Variants in COLGALT2 observed in about 807,000 individuals in gnomAD.
COLGALT2 encodes collagen beta(1-O)galactosyltransferase 2, also known as procollagen galactosyltransferase 2.
In COLGALT2, 49 loss-of-function variants were observed where a neutral mutation model predicts 73.4. The ratio of observed to expected loss-of-function variants is 0.67; its 90% CI spans 0.53 to 0.85. The LOEUF (loss-of-function observed/expected upper bound fraction) is 0.85. Ranked by LOEUF, COLGALT2 falls within the 40% of genes least tolerant of loss-of-function variation. The pLI, the probability that COLGALT2 is intolerant of heterozygous loss-of-function variation, is 0.00. For missense variants in COLGALT2, 722 were observed against 790.2 expected (o/e 0.91, Z 1.03); for synonymous variants, 295 against 307.6 (o/e 0.96, Z 0.43).
chr1:184,024,941 T>G (rs1039742660), intron 1 of COLGALT2, among the ~76,000 whole-genome samples: 4 of 152,234 alleles, frequency 2.6e-5, no homozygotes, highest in African/African-American at 9.6e-5. Flanking sequence ...CCAATGGGCT[T>G]GGAGGTTCCA....
At chr1:184,016,317 C>T (rs1648998361) in intron 1 of COLGALT2, among the ~76,000 whole-genome samples, 1 of 152,126 alleles carries the variant, frequency 6.6e-6, no homozygotes, top group Admixed American at 6.5e-5. Flanking sequence ...GGAATGTTTG[C>T]AAAGCATTTT....
Position 184,037,063 on chromosome 1 carries a change from G to A in COLGALT2, c.263+32C>T, listed in dbSNP as rs755798090. 8 of 1,452,988 alleles carry A rather than the reference G, an allele frequency of 5.5e-6. No individual in the cohort carries two copies. In the South Asian group the frequency reaches 7.1e-5, roughly 13 times the overall value. The allele number at this position is 1,452,988 out of a possible 1,614,324, so 90.0% of individuals were successfully genotyped here. On this transcript the variant is annotated intron_variant, in intron 1 of 11. Transcript: ENST00000361927. ...GCTGGGCAGGCCGCCCCCGCGTCCC[G>A]CCGCGGCGGCCCGGGGCCCGTGCGC...
At chr1:183,983,157 T>A (rs543412141) in intron 1 of COLGALT2, among the ~76,000 whole-genome samples, 2 of 152,366 alleles carry the variant, frequency 1.3e-5, no homozygotes, top group Non-Finnish European at 2.9e-5. Context: ...ATTCTGTTTG[T>A]TCTCAGGCTT....
At chr1:183,945,127 T>C (rs1670214111) in intron 9 of COLGALT2, among the ~76,000 whole-genome samples, 1 of 152,210 alleles carries the variant, frequency 6.6e-6, no homozygotes, top group South Asian at 2.1e-4. Flanking sequence ...AATCACTTAA[T>C]AAGTGATGTC....
At chr1:183,979,853 T>G (rs1373733518) in intron 1 of COLGALT2, among the ~76,000 whole-genome samples, 1 of 152,206 alleles carries the variant, frequency 6.6e-6, no homozygotes, top group East Asian at 1.9e-4. Flanking sequence ...ATGGAACATC[T>G]GCTAGCACTG....
At chr1:183,935,420 G>C (rs1669928405), downstream of COLGALT2, among the ~76,000 whole-genome samples, 1 of 152,188 alleles carries the variant, frequency 6.6e-6, no homozygotes, top group South Asian at 2.1e-4. Flanking sequence ...AAAAATTCAA[G>C]CAGTCACTGA....
rs531439663 is a variant in COLGALT2 at position 184,008,332 on chromosome 1, T to A, written c.263+28763A>T. On this transcript the variant is annotated intron_variant, in intron 1 of 11. Transcript: ENST00000361927. The stretch of plus-strand genomic sequence containing the variant: ...AGGAGACTAAAGAGACAGAATGACT[T>A]AATGCCATAAATGATTTTAGACTGG... Among the ~76,000 whole-genome samples, 6 of 152,350 alleles carry A rather than the reference T, an allele frequency of 3.9e-5. No individual in the cohort carries two copies. The East Asian group carries it at 1.2e-3, about 29-fold the overall frequency.
intron 1 of COLGALT2, among the ~76,000 whole-genome samples, chr1:183,997,645 G>A (rs575561855): frequency 1.3e-5 from 2 of 152,274 alleles, no homozygotes; most frequent in East Asian, 1.9e-4. Flanking sequence ...ATTCAAAACC[G>A]TCCTGGGCTG....
intron 6 of COLGALT2, among the ~76,000 whole-genome samples, chr1:183,960,213 G>A (rs922418720): frequency 2.6e-5 from 4 of 152,160 alleles, no homozygotes; most frequent in Non-Finnish European, 5.9e-5. Context: ...CTACAACAAT[G>A]AAGCCACTCC....
intron 11 of COLGALT2, among the ~76,000 whole-genome samples, chr1:183,940,234 C>A (rs1378433775): frequency 6.6e-6 from 1 of 152,186 alleles, no homozygotes; most frequent in Non-Finnish European, 1.5e-5. Flanking sequence ...GCCAAAGGAA[C>A]TGGAAATTTT....
chr1:184,014,383 AAG>A (rs1648932131), intron 1 of COLGALT2, among the ~76,000 whole-genome samples: 2 of 152,232 alleles, frequency 1.3e-5, no homozygotes, highest in African/African-American at 2.4e-5. Flanking sequence ...AAGGGGACTG[AAG>A]AGAAAGTGAA....
chr1:183,994,848 C>T (rs1002204559), intron 1 of COLGALT2, among the ~76,000 whole-genome samples: 8 of 152,124 alleles, frequency 5.3e-5, no homozygotes, highest in Non-Finnish European at 1.2e-4. Context: ...AAATACCTGG[C>T]ATAAAATCAA....
At chr1:183,982,663 AC>A (rs1163916333) in intron 1 of COLGALT2, among the ~76,000 whole-genome samples, 1 of 152,216 alleles carries the variant, frequency 6.6e-6, no homozygotes, top group Admixed American at 6.5e-5. Flanking sequence ...GCAGTGGCAC[AC>A]ACCCTTAGTC....
chr1:183,958,828 C>T (rs1026642503), intron 6 of COLGALT2, among the ~76,000 whole-genome samples: 12 of 151,398 alleles, frequency 7.9e-5, no homozygotes, highest in Middle Eastern at 3.4e-3. Flanking sequence ...ATCCTTGTGA[C>T]TGGCATAAAA....
chr1:184,017,393 T>C (rs911471768), intron 1 of COLGALT2, among the ~76,000 whole-genome samples: 2 of 152,218 alleles, frequency 1.3e-5, no homozygotes, highest in African/African-American at 4.8e-5. Context: ...CAAGTTTCAA[T>C]TGTTGTTTCT....
At chr1:184,001,546 G>T (rs149894378) in intron 1 of COLGALT2, among the ~76,000 whole-genome samples, 137 of 151,962 alleles carry the variant, frequency 9.0e-4, no homozygotes, top group Middle Eastern at 6.8e-3. Context: ...TTTATATACT[G>T]CATGCAGTAT....
rs369088430 is a variant in COLGALT2, at chr1:183,963,868, G to A, written c.952+33C>T. ...GGTATGGTCACTGTGGCAATGGAAC[G>A]AGAGCCATCCCCTCTGCTCCTGGGT... On this transcript the variant is annotated intron_variant, in intron 6 of 11. Coordinates refer to ENST00000361927, the MANE Select transcript of COLGALT2 (RefSeq NM_015101.4). 147 of 1,543,886 alleles carry A rather than the reference G, an allele frequency of 9.5e-5. 1 individual carries two copies. Among genetic ancestry groups the A allele is most frequent in the Middle Eastern group, 8.1e-4 (4 of 4,964 alleles).
intron 1 of COLGALT2, among the ~76,000 whole-genome samples, chr1:183,980,744 T>TACAC (rs147251301): frequency 5.3e-5 from 8 of 151,492 alleles, no homozygotes; most frequent in Admixed American, 1.3e-4. Flanking sequence ...TATAAAGATT[T>TACAC]ACACACACAC....
intron 6 of COLGALT2, among the ~76,000 whole-genome samples, chr1:183,961,773 G>A (rs1309974826): frequency 1.3e-5 from 2 of 152,090 alleles, no homozygotes; most frequent in Non-Finnish European, 2.9e-5. Flanking sequence ...TACATGCCAC[G>A]CACTGTGCTA....
Sources: allele counts gnomAD v4.1 joint callset (sites outside exome capture counted in the v4.1 genomes callset), GRCh38; gene constraint gnomAD v4.1.1; transcripts MANE v1.5; gene names NCBI Gene and HGNC (gene_info 2026-07-23, HGNC 2026-07-21).